NEK11: variants seen among roughly 807,000 people sequenced by gnomAD.
NEK11 encodes the protein NIMA related kinase 11.
NEK11 carries 72 observed loss-of-function variants against 80.7 expected under a neutral mutation model. The observed-to-expected ratio is 0.89, with a 90% confidence interval of 0.74 to 1.08. The LOEUF (loss-of-function observed/expected upper bound fraction) is 1.08, where lower values mean the gene tolerates loss of function less well. Ranked by LOEUF, NEK11 falls within the 50% of genes least tolerant of loss-of-function variation. NEK11 has a pLI of 0.00. For synonymous variants in NEK11, 251 were observed against 260.7 expected (o/e 0.96, Z 0.36); for missense variants, 764 against 763.6 (o/e 1.00, Z -0.01).
At chr3:131,174,768 A>T in intron 14 of NEK11, 1 of 1,609,996 alleles carries the variant, frequency 6.2e-7, no homozygotes, top group Middle Eastern at 1.7e-4. Flanking sequence ...ATTTTTTAGC[A>T]ACTCACAGCT....
At chr3:131,238,805 A>G (rs1034996477) in intron 15 of NEK11, among the ~76,000 whole-genome samples, 4 of 152,120 alleles carry the variant, frequency 2.6e-5, no homozygotes, top group African/African-American at 9.7e-5. Flanking sequence ...GATGATAGAG[A>G]TATTCTTTAC....
chr3:131,343,315 C>T lies in NEK11; in HGVS notation c.1719-6242C>T, dbSNP rs553175364. 2.0e-5 allele frequency among the ~76,000 whole-genome samples: 3 copies of T among 152,208 alleles called. No individual in the cohort carries two copies. In the South Asian group the frequency reaches 6.2e-4, roughly 32 times the overall value. The stretch of plus-strand genomic sequence containing the variant: ...TGGTGACAGAGGCCAGGATCCAGAG[C>T]ACTCAGGTAGAGTTTTGTCTTTGAT... On this transcript the variant is annotated intron_variant, in intron 17 of 17. Transcript: ENST00000383366.
chr3:131,288,036 C>G (rs1205160729), intron 17 of NEK11, among the ~76,000 whole-genome samples: 2 of 152,180 alleles, frequency 1.3e-5, no homozygotes, highest in Admixed American at 1.3e-4. Flanking sequence ...AAAGATGTGA[C>G]CACCACCAAT....
At chr3:131,039,547 C>T (rs1379021201) in intron 3 of NEK11, among the ~76,000 whole-genome samples, 1 of 152,182 alleles carries the variant, frequency 6.6e-6, no homozygotes, top group Non-Finnish European at 1.5e-5. Context: ...ATCTGTTTTA[C>T]TCAGTCCTTT....
chr3:131,346,896 GAA>G (rs1447574290), intron 17 of NEK11, among the ~76,000 whole-genome samples: 1 of 152,166 alleles, frequency 6.6e-6, no homozygotes, highest in African/African-American at 2.4e-5. Context: ...TAGGGTAAAA[GAA>G]ATGATGGCTG....
At chr3:131,141,657 A>G (rs2086924411) in intron 7 of NEK11, among the ~76,000 whole-genome samples, 1 of 152,200 alleles carries the variant, frequency 6.6e-6, no homozygotes, top group South Asian at 2.1e-4. Context: ...CATTTAAAAT[A>G]TATACTGGGA....
chr3:131,098,962 T>C (rs1050388276), intron 4 of NEK11, among the ~76,000 whole-genome samples: 9 of 152,212 alleles, frequency 5.9e-5, no homozygotes, highest in Admixed American at 2.0e-4. Context: ...TCTTTGGCTG[T>C]GCAGATGCTC....
At chr3:131,048,519 T>G (rs1252129638) in intron 3 of NEK11, among the ~76,000 whole-genome samples, 7 of 152,208 alleles carry the variant, frequency 4.6e-5, no homozygotes, top group Admixed American at 6.5e-5. Flanking sequence ...TAAATTTGTC[T>G]CAGCTCCAGG....
At chr3:131,082,497 G>T (rs1437621174) in intron 4 of NEK11, among the ~76,000 whole-genome samples, 3 of 152,198 alleles carry the variant, frequency 2.0e-5, no homozygotes, top group Non-Finnish European at 2.9e-5. Flanking sequence ...GGCTATAGTT[G>T]TGCTGTCTAA....
At chr3:131,229,041 A>G (rs1198477537) in intron 15 of NEK11, among the ~76,000 whole-genome samples, 5 of 152,162 alleles carry the variant, frequency 3.3e-5, no homozygotes, top group African/African-American at 9.7e-5. Flanking sequence ...CACTTTTTAT[A>G]TACTTTTCTG....
At position 131,235,842 on chromosome 3, in the gene NEK11, G is replaced by A. The variant is rs144699556; in HGVS notation, c.1560+7154G>A. ...GGGTTTAAACCAGCAAATATTCGTT[G>A]TACCAACTATTAGGAATTTGGAGTA... On this transcript the variant is annotated intron_variant, in intron 15 of 17. Coordinates refer to ENST00000383366, the MANE Select transcript of NEK11 (RefSeq NM_024800.5). 7.7e-3 allele frequency among the ~76,000 whole-genome samples: 1,169 copies of A among 152,322 alleles called. 16 individuals are homozygous for A. Among genetic ancestry groups the A allele is most frequent in the African/African-American group, 0.027 (1,103 of 41,566 alleles).
rs2149600909 is a variant in NEK11, at chr3:131,133,866, G to A, written c.557G>A (p.Cys186Tyr). The A allele has an allele frequency of 6.2e-7, 1 of 1,612,142 alleles. No homozygotes were observed. Residue 186 changes from cysteine (C) to tyrosine (Y), a missense_variant, in exon 7 of 18, where the codon TGT (cysteine) becomes TAT (tyrosine). By Grantham distance (194) the Cys-to-Tyr change is radical (BLOSUM62 -2). Coordinates refer to ENST00000383366, the MANE Select transcript of NEK11 (RefSeq NM_024800.5). Reference protein sequence around the residue: ...FGVSRLLMGSCDLATTLTGTP... With the variant: ...FGVSRLLMGSYDLATTLTGTP... ...GTTTCTCGACTTCTAATGGGATCCT[G>A]TGACCTGGCCACAACTTTAACTGGA...
In NEK11 at chr3:131,109,930, A is replaced by C; in HGVS notation, c.455+9A>C. Reference sequence around the variant, plus strand: ...GACTACATGCATGAGAGGTATGTTCATTTGCTACTGGGGGAGCATGATATA... The same window carrying C: ...GACTACATGCATGAGAGGTATGTTCCTTTGCTACTGGGGGAGCATGATATA... On this transcript the variant is annotated intron_variant, in intron 5 of 17. Coordinates refer to ENST00000383366, the MANE Select transcript of NEK11 (RefSeq NM_024800.5). 1 of 1,585,268 alleles carries C rather than the reference A, an allele frequency of 6.3e-7. No individual in the cohort carries two copies. Among genetic ancestry groups the C allele is most frequent in the Middle Eastern group, 1.7e-4 (1 of 5,930 alleles).
chr3:131,200,738 A>G (rs1036644879), intron 14 of NEK11, among the ~76,000 whole-genome samples: 2 of 152,210 alleles, frequency 1.3e-5, no homozygotes, highest in Admixed American at 1.3e-4. Context: ...TCCCTGCTAT[A>G]TAAACCCTAG....
At chr3:131,313,320 C>A (rs1382381737) in intron 17 of NEK11, among the ~76,000 whole-genome samples, 1 of 152,022 alleles carries the variant, frequency 6.6e-6, no homozygotes, top group Non-Finnish European at 1.5e-5. Context: ...GATTTATATT[C>A]CTTTGGTTAC....
intron 16 of NEK11, 129 bp downstream of exon 16, chr3:131,243,625 A>G: frequency 1.3e-6 from 1 of 745,952 alleles, no homozygotes; most frequent in South Asian, 2.0e-5. Flanking sequence ...TGAGGCCAAT[A>G]GAAGTTGAAT....
At chr3:131,119,623 C>G (rs9874886) in intron 5 of NEK11, among the ~76,000 whole-genome samples, 138,312 of 152,134 alleles carry the variant, frequency 0.91, 63,390 homozygotes, top group Non-Finnish European at 0.95. Context: ...TTGTAGGTCT[C>G]TAAGGACTTG....
chr3:131,313,820 T>TAAC (rs1208712613), intron 17 of NEK11, among the ~76,000 whole-genome samples: 3 of 152,230 alleles, frequency 2.0e-5, no homozygotes, highest in African/African-American at 7.2e-5. Context: ...AAAGTTGGAA[T>TAAC]AACAGTTTTG....
intron 15 of NEK11, among the ~76,000 whole-genome samples, chr3:131,234,035 C>T (rs768900429): frequency 3.3e-5 from 5 of 152,230 alleles, no homozygotes; most frequent in African/African-American, 7.2e-5. Flanking sequence ...AGAATTGCTT[C>T]TCCTCCACTG....
Sources: gnomAD v4.1 joint callset for allele counts (sites outside exome capture counted in the v4.1 genomes callset) on GRCh38, gnomAD v4.1.1 for gene constraint, MANE v1.5 for transcripts, NCBI Gene and HGNC (gene_info 2026-07-23, HGNC 2026-07-21) for gene names.